The following PCDHGA3 variants were observed in gnomAD, a reference collection of about 807,000 sequenced individuals.
The protein encoded by PCDHGA3 is protocadherin gamma-A3.
Under a neutral mutation model 58.5 loss-of-function variants are expected in PCDHGA3, and 40 were observed. The observed-to-expected ratio is 0.68, with a 90% CI of 0.53 to 0.89. The LOEUF is 0.89. Among genes scored for constraint, PCDHGA3 ranks in the 40% least tolerant of loss-of-function variants. PCDHGA3 has a pLI of 0.00. For synonymous variants in PCDHGA3, 530 were observed against 525.7 expected (o/e 1.01, Z -0.11); for missense variants, 1,223 against 1,195.9 (o/e 1.02, Z -0.33).
At chr5:141,425,018 T>C (rs2096853023) in intron 1 of PCDHGA3, among the ~76,000 whole-genome samples, 1 of 152,224 alleles carries the variant, frequency 6.6e-6, no homozygotes, top group Non-Finnish European at 1.5e-5. Context: ...TTTAGGAATT[T>C]ACCTTATGTC....
At chr5:141,371,477 GCTGGGGA>G (rs1767781947) in intron 1 of PCDHGA3, 2 of 1,613,972 alleles carry the variant, frequency 1.2e-6, no homozygotes, top group African/African-American at 2.7e-5. Flanking sequence ...AAGATGCTGA[GCTGGGGA>G]CTGCCGTTGC....
At chr5:141,409,786 C>A in intron 1 of PCDHGA3, 11 of 1,612,124 alleles carry the variant, frequency 6.8e-6, no homozygotes, top group Non-Finnish European at 9.3e-6. Flanking sequence ...TGCGCGCCTT[C>A]GCGCTCACGC....
chr5:141,356,300 C>A (rs1390154856), intron 1 of PCDHGA3: 1 of 1,554,478 alleles, frequency 6.4e-7, no homozygotes, highest in Admixed American at 2.0e-5. Context: ...ACAGTAATTG[C>A]ACTTTTCAAC....
At chr5:141,472,980 C>CAAAAAAAA (rs60579131) in intron 1 of PCDHGA3, among the ~76,000 whole-genome samples, 7 of 86,098 alleles carry the variant, frequency 8.1e-5, no homozygotes, top group Admixed American at 1.2e-4. Context: ...GAGTGAAACT[C>CAAAAAAAA]AAAAAAAAAA....
intron 3 of PCDHGA3, chr5:141,507,335 T>A (rs1228652205): frequency 6.6e-6 from 1 of 151,804 alleles, no homozygotes; most frequent in Non-Finnish European, 1.5e-5. Context: ...TGCTCATTGT[T>A]TACCTGAAAT....
At chr5:141,388,800 G>A (rs1193679536) in intron 1 of PCDHGA3, 6 of 1,613,896 alleles carry the variant, frequency 3.7e-6, no homozygotes, top group Non-Finnish European at 5.1e-6. Context: ...AAATACATTA[G>A]ATTTTGAAGA....
chr5:141,389,533 T>C (rs2091811622), intron 1 of PCDHGA3: 4 of 1,613,216 alleles, frequency 2.5e-6, no homozygotes, highest in South Asian at 2.2e-5. Flanking sequence ...CGCGTGTTAG[T>C]GGACGACCGC....
chr5:141,399,672 C>T (rs1322373656), intron 1 of PCDHGA3: 1 of 1,613,510 alleles, frequency 6.2e-7, no homozygotes, highest in Admixed American at 1.7e-5. Context: ...CGCAGCGCGC[C>T]TTTGACTACG....
rs770419617 is a variant in PCDHGA3, at chr5:141,421,523, C to T, written c.2425-73284C>T. The T allele has an allele frequency of 2.5e-6, 4 of 1,614,034 alleles. No homozygotes were observed. In the Admixed American group the frequency reaches 5.0e-5, roughly 20 times the overall value. ...ATAGACCGGGAGGAGCTCTGTGAGA[C>T]GGTGTCCTCCTGTTTTTTAAATATG... On this transcript the variant is annotated intron_variant, in intron 1 of 3. Transcript: ENST00000253812.
At chr5:141,500,618 C>A (rs554274946) in intron 2 of PCDHGA3, among the ~76,000 whole-genome samples, 27 of 152,260 alleles carry the variant, frequency 1.8e-4, no homozygotes, top group African/African-American at 6.5e-4. Context: ...CCCAGTCATA[C>A]GGTACATTTC....
chr5:141,383,930 C>T lies in PCDHGA3; in HGVS notation c.2424+37473C>T. 7 of 1,613,800 alleles carry T rather than the reference C, an allele frequency of 4.3e-6. No homozygotes were observed. Among genetic ancestry groups the T allele is most frequent in the Non-Finnish European group, 5.9e-6 (7 of 1,179,786 alleles). ...ACAGTTTTAGATGTAAATGATAATG[C>T]TCCAGAAGTGACTATGACGTCTTTA... On this transcript the variant is annotated intron_variant, in intron 1 of 3. Coordinates refer to ENST00000253812, the MANE Select transcript of PCDHGA3 (RefSeq NM_018916.4).
At chr5:141,350,972 G>T (rs956940005) in intron 1 of PCDHGA3, 1 of 1,614,038 alleles carries the variant, frequency 6.2e-7, no homozygotes, top group Non-Finnish European at 8.5e-7. Flanking sequence ...TAATGCTCCC[G>T]TGTTTAGCCA....
At chr5:141,375,821 C>T in intron 1 of PCDHGA3, 1 of 1,614,192 alleles carries the variant, frequency 6.2e-7, no homozygotes, top group Non-Finnish European at 8.5e-7. Context: ...GCTGGCGCCC[C>T]GCTCCGCAGA....
chr5:141,422,478 G>C, intron 1 of PCDHGA3: 1 of 1,613,914 alleles, frequency 6.2e-7, no homozygotes, highest in Non-Finnish European at 8.5e-7. Flanking sequence ...AGTTGGTCCA[G>C]AGCTACAATA....
chr5:141,392,659 A>T, intron 1 of PCDHGA3: 2 of 788,300 alleles, frequency 2.5e-6, no homozygotes, highest in Non-Finnish European at 3.8e-6. Flanking sequence ...CGCAGATGCC[A>T]CAAACTAACT....
intron 1 of PCDHGA3, among the ~76,000 whole-genome samples, chr5:141,354,541 G>A (rs967505809): frequency 2.0e-5 from 3 of 152,200 alleles, no homozygotes; most frequent in African/African-American, 4.8e-5. Flanking sequence ...AGGTTCTAGA[G>A]GGTCAACTCC....
intron 1 of PCDHGA3, among the ~76,000 whole-genome samples, chr5:141,484,837 T>C (rs1289449270): frequency 6.6e-6 from 1 of 151,620 alleles, no homozygotes; most frequent in Non-Finnish European, 1.5e-5. Context: ...GGCGAAAAGA[T>C]AGGCTGGGTT....
At position 141,423,686 on chromosome 5, in the gene PCDHGA3, A is replaced by T. The variant is rs752078243; in HGVS notation, c.2425-71121A>T. 10 of 1,328,296 alleles carry T rather than the reference A, an allele frequency of 7.5e-6. No homozygotes were observed. The East Asian group carries it at 3.6e-4, about 47-fold the overall frequency. The allele number at this position is 1,328,296 out of a possible 1,614,324, so 82.3% of individuals were successfully genotyped here. The stretch of plus-strand genomic sequence containing the variant: ...GTGAGATTTATTTCTCTGCCTCCTA[A>T]TTGTTGGTGTCTTGGCACAAGTCTT... On this transcript the variant is annotated intron_variant, in intron 1 of 3. Transcript: ENST00000253812.
intron 1 of PCDHGA3, chr5:141,388,630 T>G (rs754073337): frequency 6.2e-7 from 1 of 1,613,816 alleles, no homozygotes; most frequent in Admixed American, 1.7e-5. Context: ...GTATACAGGG[T>G]GAGCCTTTCA....
Sources: gnomAD v4.1 joint callset for allele counts (sites outside exome capture counted in the v4.1 genomes callset) on GRCh38, gnomAD v4.1.1 for gene constraint, MANE v1.5 for transcripts, NCBI Gene and HGNC (gene_info 2026-07-23, HGNC 2026-07-21) for gene names.